RIN2: variants seen among roughly 807,000 people sequenced by gnomAD.
RIN2 encodes Ras and Rab interactor 2.
In RIN2, 36 loss-of-function variants were observed where a neutral mutation model predicts 78.0. The observed-to-expected ratio is 0.46, with a 90% confidence interval of 0.35 to 0.61. The LOEUF is 0.61. RIN2 is among the 20% of genes least tolerant of loss of function. The pLI is 0.00. For missense variants in RIN2, 1,087 were observed against 1,159.7 expected (o/e 0.94, Z 0.91); for synonymous variants, 466 against 466.8 (o/e 1.00, Z 0.02).
chr20:19,975,750 C>A lies in RIN2; in HGVS notation c.1725C>A (p.Asp575Glu). The A allele has an allele frequency of 6.2e-7, 1 of 1,611,906 alleles. No homozygotes were observed. The highest frequency in any genetic ancestry group is 8.5e-7 in the Non-Finnish European group (1 of 1,179,098). ...ATTTGTCTCAGAGCTCGGAGCTGGACCCCCCCATCGAGTCGCTGATCCCTG... is the reference window on the plus strand; with the variant it reads ...ATTTGTCTCAGAGCTCGGAGCTGGAACCCCCCATCGAGTCGCTGATCCCTG... ...KNYLSQSSEL[D>E]PPIESLIPED... The change falls in exon 9 of 13, where the codon GAC becomes GAA. Residue 575 changes from aspartate to glutamate, a missense_variant. By Grantham distance (45) the Asp-to-Glu change is conservative. Around this residue, in one of 8 missense-constraint regions of RIN2, gnomAD observed 39 missense variants for 34.9 expected, o/e 1.12. Coordinates refer to ENST00000255006, the MANE Select transcript of RIN2 (RefSeq NM_018993.4). This position sits in a 1 kb window ranked among gnomAD's most constrained non-coding sequence, Gnocchi z 4.9.
intron 3 of RIN2, among the ~76,000 whole-genome samples, chr20:19,920,143 A>G (rs1179559692): frequency 6.6e-6 from 1 of 152,050 alleles, no homozygotes; most frequent in African/African-American, 2.4e-5. Flanking sequence ...AAATACAAAA[A>G]AAATTAGCCA....
chr20:19,922,379 C>G (rs1387272871), intron 3 of RIN2, among the ~76,000 whole-genome samples: 26 of 152,196 alleles, frequency 1.7e-4, no homozygotes, highest in Admixed American at 1.7e-3. Flanking sequence ...GTCCTGACCA[C>G]TCTTTCTCTG....
chr20:19,777,871 AC>A (rs1319981324), intron 1 of RIN2, among the ~76,000 whole-genome samples: 1 of 152,200 alleles, frequency 6.6e-6, no homozygotes, highest in Admixed American at 6.5e-5. Flanking sequence ...TTTAGGAGCC[AC>A]CAAAATGTAA....
At chr20:19,773,441 T>A (rs1280573784) in intron 1 of RIN2, among the ~76,000 whole-genome samples, 1 of 152,134 alleles carries the variant, frequency 6.6e-6, no homozygotes, top group East Asian at 1.9e-4. Context: ...TCAGGCATTC[T>A]CAGCAGTAAA....
intron 2 of RIN2, among the ~76,000 whole-genome samples, chr20:19,862,905 A>G (rs1393980534): frequency 1.3e-5 from 2 of 152,156 alleles, no homozygotes; most frequent in Non-Finnish European, 1.5e-5. Context: ...ATTGGTTTGT[A>G]ACATGACTTA....
intron 12 of RIN2, among the ~76,000 whole-genome samples, chr20:20,000,218 G>C (rs1048695780): frequency 6.6e-6 from 1 of 152,196 alleles, no homozygotes; most frequent in African/African-American, 2.4e-5. Flanking sequence ...TTTGTGTCTA[G>C]ATATTTTAAA....
At chr20:19,976,089 G>C (rs552442983) in intron 9 of RIN2, among the ~76,000 whole-genome samples, 18 of 152,298 alleles carry the variant, frequency 1.2e-4, no homozygotes, top group African/African-American at 3.1e-4. Context: ...CATGTGCCGG[G>C]TGTTTCTGGA....
At chr20:19,978,281 A>C (rs1348634505) in intron 9 of RIN2, among the ~76,000 whole-genome samples, 2 of 152,240 alleles carry the variant, frequency 1.3e-5, no homozygotes, top group Non-Finnish European at 2.9e-5. Flanking sequence ...TCAAGAAGGT[A>C]GGAGGAGATA....
intron 3 of RIN2, among the ~76,000 whole-genome samples, chr20:19,889,970 C>T (rs780578538): frequency 1.3e-5 from 2 of 152,124 alleles, no homozygotes; most frequent in African/African-American, 2.4e-5. Context: ...ATGGTGGAAG[C>T]TGTACTTTGC....
At chr20:19,960,658 C>G in intron 5 of RIN2, 42 bp from the exon 6 acceptor site, 1 of 1,410,490 alleles carries the variant, frequency 7.1e-7, no homozygotes, top group Non-Finnish European at 9.8e-7. Flanking sequence ...TTCCAACATT[C>G]TAGATATTTC....
intron 9 of RIN2, among the ~76,000 whole-genome samples, chr20:19,981,878 C>A (rs1205385519): frequency 6.6e-6 from 1 of 152,202 alleles, no homozygotes; most frequent in African/African-American, 2.4e-5. Flanking sequence ...TGACAGGGTG[C>A]CCCACACCTG....
chr20:19,964,159 C>T (rs564694991), intron 6 of RIN2, among the ~76,000 whole-genome samples: 3 of 151,790 alleles, frequency 2.0e-5, no homozygotes, highest in Non-Finnish European at 2.9e-5. Flanking sequence ...CCACCATGGC[C>T]GGCTCAGAAC....
At chr20:19,876,820 G>A (rs903671291) in intron 2 of RIN2, among the ~76,000 whole-genome samples, 15 of 151,116 alleles carry the variant, frequency 9.9e-5, no homozygotes, top group Admixed American at 4.6e-4. Flanking sequence ...CAGGAGAATC[G>A]CTTGAACCCA....
chr20:19,983,324 G>T (rs2042519033), intron 9 of RIN2, among the ~76,000 whole-genome samples: 1 of 152,190 alleles, frequency 6.6e-6, no homozygotes, highest in South Asian at 2.1e-4. Context: ...TACCTGGTTT[G>T]CATTTCTTCT....
chr20:19,940,829 T>C (rs1462735137), intron 4 of RIN2, among the ~76,000 whole-genome samples: 1 of 152,176 alleles, frequency 6.6e-6, no homozygotes. Context: ...ACCCATCCCC[T>C]CTAGGCTGAG....
In RIN2 at chr20:19,945,588, A is replaced by T. The variant is rs180935906; in HGVS notation, c.158+10389A>T. 6.0e-3 allele frequency among the ~76,000 whole-genome samples: 918 copies of T among 152,312 alleles called. 4 individuals are homozygous for T. Among genetic ancestry groups the T allele is most frequent in the Non-Finnish European group, 0.011 (771 of 68,030 alleles). ...TTCTGTATTTGGAGACCTTGGATGG[A>T]GCACTGGTCTCCAATGTCTGGTATT... On this transcript the variant is annotated intron_variant, in intron 4 of 12. Coordinates refer to ENST00000255006, the MANE Select transcript of RIN2 (RefSeq NM_018993.4).
At position 19,975,954 on chromosome 20, in the gene RIN2, G is replaced by A. The variant is rs78976197; in HGVS notation, c.1762+167G>A. Among the ~76,000 whole-genome samples the A allele has an allele frequency of 0.031, 4,687 of 152,250 alleles. 184 individuals carry two copies. The highest frequency in any genetic ancestry group is 0.094 in the African/African-American group (3,883 of 41,524). On this transcript the variant is annotated intron_variant, in intron 9 of 12. Coordinates refer to ENST00000255006, the MANE Select transcript of RIN2 (RefSeq NM_018993.4). The surrounding 1 kb of genome is among the most constrained non-coding windows in gnomAD (Gnocchi z 4.9). ...AAATCAGTTTCTCAAAGTAGCTGCT[G>A]ACTGCCAGACTCAAAAATGTCTTCG...
chr20:19,934,497 T>A (rs2040557111), intron 3 of RIN2: 1 of 985,022 alleles, frequency 1.0e-6, no homozygotes, highest in Admixed American at 6.2e-5. Context: ...CCCACTCCCC[T>A]CCTCCCCACT....
At chr20:19,873,729 T>C (rs1348791562) in intron 2 of RIN2, among the ~76,000 whole-genome samples, 1 of 152,190 alleles carries the variant, frequency 6.6e-6, no homozygotes. Context: ...TGCATCTCCA[T>C]AGAACCGAAT....
Sources: gnomAD v4.1 joint callset for allele counts (sites outside exome capture counted in the v4.1 genomes callset) on GRCh38, gnomAD v4.1.1 for gene constraint, gnomAD v4.1.1 regional missense constraint, Gnocchi (gnomAD v3.1) non-coding constraint, MANE v1.5 for transcripts, NCBI Gene and HGNC (gene_info 2026-07-23, HGNC 2026-07-21) for gene names.